The following SMARCC2 variants were observed in gnomAD, a reference collection of about 807,000 sequenced individuals.
SMARCC2 encodes SWI/SNF complex subunit SMARCC2.
A neutral mutation model predicts 151.3 loss-of-function variants in SMARCC2; 15 were observed. The observed-to-expected ratio is 0.10, with a 90% CI of 0.07 to 0.15. SMARCC2 has a LOEUF of 0.15. Ranked by LOEUF, SMARCC2 falls within the 10% of genes least tolerant of loss-of-function variation. SMARCC2 has a pLI of 1.00. For synonymous variants in SMARCC2, 590 were observed against 609.5 expected, an observed-to-expected ratio of 0.97 and a Z score of 0.47; for missense variants, 1,031 against 1,599.7, an observed-to-expected ratio of 0.64 and a Z score of 6.06.
intron 7 of SMARCC2, among the ~76,000 whole-genome samples, chr12:56,182,890 G>A (rs1056005122): frequency 2.0e-5 from 3 of 149,062 alleles, no homozygotes; most frequent in Non-Finnish European, 4.4e-5. Flanking sequence ...TTGAAGTGCA[G>A]TGGTGCAATC....
At chr12:56,183,111 A>G (rs1876559375) in intron 7 of SMARCC2, among the ~76,000 whole-genome samples, 1 of 151,162 alleles carries the variant, frequency 6.6e-6, no homozygotes, top group Admixed American at 6.6e-5. Flanking sequence ...AAGTGCTGGG[A>G]TTATAGGCAT....
chr12:56,187,342 C>T, intron 1 of SMARCC2, 36 bp from the exon 2 acceptor site: 3 of 1,600,668 alleles, frequency 1.9e-6, no homozygotes, highest in Non-Finnish European at 2.6e-6. Flanking sequence ...AAAAATAGAT[C>T]TCAGATAAAT....
At position 56,172,791 on chromosome 12, in the gene SMARCC2, T is replaced by G. The variant is rs1049386855; in HGVS notation, c.1744-87A>C. On this transcript the variant is annotated intron_variant, in intron 18 of 28. Coordinates refer to ENST00000550164, the MANE Select transcript of SMARCC2 (RefSeq NM_001330288.2). ...GAGAGAAAAAACAGACAGAAGGAGC[T>G]TCTTTCCCAAAGCCAGGGACACCCC... 7.5e-6 allele frequency: 12 copies of G among 1,593,478 alleles called. No homozygotes were observed. In the African/African-American group the frequency reaches 1.5e-4, roughly 20 times the overall value.
intron 22 of SMARCC2, among the ~76,000 whole-genome samples, chr12:56,170,465 G>A (rs1008340184): frequency 1.1e-4 from 16 of 151,540 alleles, no homozygotes; most frequent in African/African-American, 1.9e-4. Flanking sequence ...CACTCTTGTC[G>A]CCCAGGCTGG....
chr12:56,172,678 G>C lies in SMARCC2; in HGVS notation c.1770C>G (p.Leu590=). The change falls in exon 19 of 29, where the codon CTC becomes CTG. Residue 590 remains leucine, a synonymous_variant. Transcript: ENST00000550164. ...TCTCTTTGCCTTTGTCAGGAAAGTT[G>C]AGCATTTGTTGGGAAGCAGAGGTCT... ...ELQTSASQQM[L]NFPDKGKEKP... 1 of 1,614,190 alleles carries C rather than the reference G, an allele frequency of 6.2e-7. No individual in the cohort carries two copies. Among genetic ancestry groups the C allele is most frequent in the South Asian group, 1.1e-5 (1 of 91,062 alleles).
chr12:56,162,543 C>T lies in SMARCC2; in HGVS notation c.*1146G>A. ...AGAACCAGTGCAGAGCCTGGAGTCA[C>T]ACCTGCCTTCCCGTCACAGGGGAGA... is the stretch of plus-strand genomic sequence containing the variant. On this transcript the variant is annotated 3_prime_UTR_variant, in exon 29 of 29. Coordinates refer to ENST00000550164, the MANE Select transcript of SMARCC2 (RefSeq NM_001330288.2). 1 of 504,846 alleles carries T rather than the reference C, an allele frequency of 2.0e-6. No individual in the cohort carries two copies. The highest frequency in any genetic ancestry group is 3.5e-6 in the Non-Finnish European group (1 of 287,766). The allele number at this position is 504,846 out of a possible 1,614,324, so 31.3% of individuals were successfully genotyped here.
At chr12:56,184,722 C>A in intron 5 of SMARCC2, 122 bp downstream of exon 5, 1 of 645,472 alleles carries the variant, frequency 1.5e-6, no homozygotes, top group African/African-American at 1.8e-5. Context: ...AAGTCTTTTT[C>A]CAAGTAGACA....
chr12:56,173,805 A>T lies in SMARCC2; in HGVS notation c.1541T>A (p.Val514Glu), dbSNP rs117244656. The T allele has an allele frequency of 1.2e-6, 2 of 1,614,008 alleles. No homozygotes were observed. The highest frequency in any genetic ancestry group is 1.7e-6 in the Non-Finnish European group (2 of 1,179,938). Reference protein sequence around the residue: ...LEQWGLINYQVDAESRPTPMG... With the variant: ...LEQWGLINYQEDAESRPTPMG... ...TGGGGTTGGTCGACTCTCAGCATCC[A>T]CCTGGTAGTTAATAAGACCCCACTG... The change falls in exon 17 of 29, where the codon GTG becomes GAG. Residue 514 changes from valine to glutamate, a missense_variant. Physicochemically the swap from Val to Glu is moderately radical, Grantham distance 121. Around this residue, in one of 12 missense-constraint regions of SMARCC2, gnomAD observed 99 missense variants for 148.3 expected, o/e 0.67. Coordinates refer to ENST00000550164, the MANE Select transcript of SMARCC2 (RefSeq NM_001330288.2).
chr12:56,165,117 C>T (rs759131574), intron 27 of SMARCC2, among the ~76,000 whole-genome samples: 1 of 152,226 alleles, frequency 6.6e-6, no homozygotes, highest in East Asian at 1.9e-4. Context: ...TTTTCTGACA[C>T]TAGAGTAAGT....
rs776717020 is a variant in SMARCC2 at position 56,182,072 on chromosome 12, T to C, written c.640A>G (p.Thr214Ala). Residue 214 changes from threonine (T) to alanine (A), a missense_variant, in exon 8 of 29, where the codon ACG becomes GCG. Physicochemically the swap from Thr to Ala is moderately conservative, Grantham distance 58 (BLOSUM62 0). This residue lies in a region of SMARCC2 where 123 missense variants were observed against 190.4 expected (regional missense o/e 0.65). Transcript: ENST00000550164. Reference sequence around the variant, plus strand: ...TCAATTTCACTCGCTGGGATCCACGTGTCGTAACTGCCATGGGAAATTGAG... The same window carrying C: ...TCAATTTCACTCGCTGGGATCCACGCGTCGTAACTGCCATGGGAAATTGAG... ...HWGYYPDSYD[T>A]WIPASEIEAS... 12 of 1,611,280 alleles carry C rather than the reference T, an allele frequency of 7.4e-6. No individual in the cohort carries two copies. The highest frequency in any genetic ancestry group is 1.3e-5 in the African/African-American group (1 of 74,790).
intron 7 of SMARCC2, among the ~76,000 whole-genome samples, chr12:56,182,721 T>C (rs1876469020): frequency 6.7e-6 from 1 of 150,088 alleles, no homozygotes; most frequent in Non-Finnish European, 1.5e-5. Flanking sequence ...CTTCCCAAAG[T>C]GCTAGTATTA....
intron 28 of SMARCC2, among the ~76,000 whole-genome samples, 177 bp downstream of exon 28, chr12:56,164,126 C>G (rs1872312509): frequency 6.6e-6 from 1 of 152,230 alleles, no homozygotes; most frequent in Non-Finnish European, 1.5e-5. Flanking sequence ...AGCTGCCAGG[C>G]TGGGGAATGG....
At chr12:56,189,278 A>G in intron 1 of SMARCC2, 73 bp downstream of exon 1, 1 of 923,798 alleles carries the variant, frequency 1.1e-6, no homozygotes, top group African/African-American at 1.7e-5. Flanking sequence ...GGTAGGCAGG[A>G]TCCCGGGGCT....
chr12:56,170,670 C>T (rs1873766572), intron 22 of SMARCC2, among the ~76,000 whole-genome samples: 1 of 151,826 alleles, frequency 6.6e-6, no homozygotes, highest in Admixed American at 6.6e-5. Flanking sequence ...CCACCTCAGC[C>T]TCCCAAAGTA....
In SMARCC2 at chr12:56,170,073, G is replaced by T. The variant is rs1565899610; in HGVS notation, c.2412+71C>A. 3.3e-6 allele frequency: 5 copies of T among 1,499,466 alleles called. No individual in the cohort carries two copies. In the East Asian group the frequency reaches 1.1e-4, roughly 34 times the overall value. The allele number at this position is 1,499,466 out of a possible 1,614,324, so 92.9% of individuals were successfully genotyped here. On this transcript the variant is annotated intron_variant, in intron 23 of 28. Transcript: ENST00000550164. ...AAACCAGCCCTTGCCCACCTAAGCT[G>T]AACAAGGCCAACTTCCCCATCACCA...
Position 56,162,389 on chromosome 12 carries a change from A to G in SMARCC2, c.*1300T>C. 1.5e-6 allele frequency: 1 copy of G among 648,482 alleles called. No individual in the cohort carries two copies. The highest frequency in any genetic ancestry group is 2.7e-6 in the Non-Finnish European group (1 of 367,552). The allele number at this position is 648,482 out of a possible 1,614,324, so 40.2% of individuals were successfully genotyped here. A position where few individuals can be genotyped will look rare whatever the true frequency, so the allele number is the denominator to read the frequency against. On this transcript the variant is annotated 3_prime_UTR_variant, in exon 29 of 29. Transcript: ENST00000550164. The stretch of plus-strand genomic sequence containing the variant: ...CTGAAAGCAAATTAATTTATAAAAA[A>G]AAAAAAAAGAAAGAAAGAAAAAAAG...
chr12:56,174,439 T>G, intron 16 of SMARCC2: 2 of 478,368 alleles, frequency 4.2e-6, no homozygotes, highest in Non-Finnish European at 7.6e-6. Context: ...ATTACAGACA[T>G]GCTCCTTCTT....
In SMARCC2 at chr12:56,176,165, C is replaced by T. The variant is rs187537711; in HGVS notation, c.1383-1401G>A. ...AGCCACCATGCCCAGCCATCATTTACTATTTTATACCAAGAGTTCAGTTCC... is the reference window on the plus strand; with the variant it reads ...AGCCACCATGCCCAGCCATCATTTATTATTTTATACCAAGAGTTCAGTTCC... On this transcript the variant is annotated intron_variant, in intron 15 of 28. Transcript: ENST00000550164. Among the ~76,000 whole-genome samples the T allele has an allele frequency of 2.4e-3, 370 of 152,086 alleles. 2 individuals carry two copies. Among genetic ancestry groups the T allele is most frequent in the Non-Finnish European group, 3.9e-3 (268 of 67,984 alleles).
rs539849944 is a variant in SMARCC2 at position 56,172,148 on chromosome 12, T to C, written c.1927-211A>G. 3.9e-5 allele frequency: 22 copies of C among 569,382 alleles called. No homozygotes were observed. In the Admixed American group the frequency reaches 5.3e-4, roughly 14 times the overall value. The allele number at this position is 569,382 out of a possible 1,614,324, so 35.3% of individuals were successfully genotyped here. ...CAAATCCCCAGCCTGGAGCTGGTCC[T>C]GAAGCTCACTGGAGCCTTGACCTCC... is the stretch of plus-strand genomic sequence containing the variant. On this transcript the variant is annotated intron_variant, in intron 20 of 28. Transcript: ENST00000550164.
Sources: gnomAD v4.1 joint callset for allele counts (sites outside exome capture counted in the v4.1 genomes callset) on GRCh38, gnomAD v4.1.1 for gene constraint, gnomAD v4.1.1 regional missense constraint, MANE v1.5 for transcripts, NCBI Gene and HGNC (gene_info 2026-07-23, HGNC 2026-07-21) for gene names.